DAB2IP: variants seen among roughly 807,000 people sequenced by gnomAD.
DAB2IP encodes the protein DAB2 interacting protein.
In DAB2IP, 28 loss-of-function variants were observed where a neutral mutation model predicts 107.2. The observed-to-expected ratio is 0.26, with a 90% CI of 0.19 to 0.36. DAB2IP has a LOEUF of 0.36. Ranked by LOEUF, DAB2IP falls within the 10% of genes least tolerant of loss-of-function variation. DAB2IP has a pLI of 1.00. For missense variants in DAB2IP, 1,400 were observed against 1,644.7 expected (o/e 0.85, Z 2.57); for synonymous variants, 755 against 706.4 (o/e 1.07, Z -1.09).
chr9:121,726,494 C>A (rs749971850), intron 3 of DAB2IP, among the ~76,000 whole-genome samples: 1 of 152,170 alleles, frequency 6.6e-6, no homozygotes, highest in Admixed American at 6.5e-5. Flanking sequence ...GATAGCCAGT[C>A]GGTGGGAAGC....
At position 121,773,505 on chromosome 9, in the gene DAB2IP, G is replaced by A; in HGVS notation, c.2967+10G>A. 6.7e-7 allele frequency: 1 copy of A among 1,485,516 alleles called. No individual in the cohort carries two copies. Among genetic ancestry groups the A allele is most frequent in the Non-Finnish European group, 8.9e-7 (1 of 1,118,234 alleles). The allele number at this position is 1,485,516 out of a possible 1,614,324, so 92.0% of individuals were successfully genotyped here. ...GGCAGTGCACAAGCAGGTCAGTGCT[G>A]CTAGTCAGAGGGCAGGGCTGGGCAC... On this transcript the variant is annotated intron_variant, in intron 12 of 15. Transcript: ENST00000408936.
intron 1 of DAB2IP, among the ~76,000 whole-genome samples, chr9:121,673,647 G>A (rs868197585): frequency 3.9e-5 from 6 of 152,170 alleles, no homozygotes; most frequent in African/African-American, 9.7e-5. Context: ...AAGGGAGAGC[G>A]ACAATGAAAA....
At chr9:121,750,144 A>G (rs1436064823) in intron 3 of DAB2IP, among the ~76,000 whole-genome samples, 1 of 152,154 alleles carries the variant, frequency 6.6e-6, no homozygotes, top group African/African-American at 2.4e-5. Context: ...CGTTATCCTC[A>G]CTACGGATGG....
At chr9:121,711,128 A>G (rs1030309595) in intron 3 of DAB2IP, among the ~76,000 whole-genome samples, 20 of 152,212 alleles carry the variant, frequency 1.3e-4, no homozygotes, top group African/African-American at 4.8e-4. Flanking sequence ...TGCACTTGAA[A>G]GGCCTTGTTG....
chr9:121,750,264 C>T (rs565913605), intron 3 of DAB2IP, among the ~76,000 whole-genome samples: 1 of 152,334 alleles, frequency 6.6e-6, no homozygotes, highest in East Asian at 1.9e-4. Flanking sequence ...ACACTAGGCC[C>T]TCTGTCCTCC....
intron 3 of DAB2IP, among the ~76,000 whole-genome samples, chr9:121,754,941 C>T (rs1190067202): frequency 6.6e-6 from 1 of 152,222 alleles, no homozygotes; most frequent in Non-Finnish European, 1.5e-5. Context: ...AGCATCCTTA[C>T]CTGGCAGAGA....
At chr9:121,753,104 C>T (rs987018756) in intron 3 of DAB2IP, 1 of 152,278 alleles carries the variant, frequency 6.6e-6, no homozygotes, top group African/African-American at 2.4e-5. Context: ...AAGGTAAGCC[C>T]GGCCTGGGGA....
chr9:121,754,902 G>C (rs1284129060), intron 3 of DAB2IP, among the ~76,000 whole-genome samples: 1 of 152,170 alleles, frequency 6.6e-6, no homozygotes, highest in African/African-American at 2.4e-5. Flanking sequence ...TGTACTTCCT[G>C]GGTCCCTACC....
Position 121,772,865 on chromosome 9 carries a change from T to C in DAB2IP, c.2337T>C (p.Ala779=). The C allele has an allele frequency of 6.3e-7, 1 of 1,590,752 alleles. No individual in the cohort carries two copies. Among genetic ancestry groups the C allele is most frequent in the Non-Finnish European group, 8.5e-7 (1 of 1,170,620 alleles). ...CCACAGATGGGCAGGCCGCTGCAGC[T>C]CAGCTGGTGGCCGGGTGGCCGGCCC... Residue 779 remains alanine, a synonymous_variant, in exon 12 of 16, where the codon GCT becomes GCC. Coordinates refer to ENST00000408936, the Ensembl canonical transcript of DAB2IP. This position sits in a 1 kb window ranked among gnomAD's most constrained non-coding sequence, Gnocchi z 4.7.
intron 3 of DAB2IP, among the ~76,000 whole-genome samples, chr9:121,718,993 G>A (rs183656748): frequency 2.6e-5 from 4 of 152,330 alleles, no homozygotes; most frequent in Admixed American, 6.5e-5. Context: ...CTGGTAGCAA[G>A]GGGGTGCTTC....
intron 1 of DAB2IP, among the ~76,000 whole-genome samples, chr9:121,658,133 A>G (rs1236035891): frequency 6.6e-6 from 1 of 152,080 alleles, no homozygotes. Context: ...GTACTGTTGA[A>G]CTTGACACAA....
At position 121,585,221 on chromosome 9, in the gene DAB2IP, C is replaced by A. The variant is rs111458033; in HGVS notation, c.40+17993C>A. On this transcript the variant is annotated intron_variant, in intron 1 of 16. Coordinates refer to the DAB2IP transcript ENST00000259371. The stretch of plus-strand genomic sequence containing the variant: ...CAACAACACCTCTGTCCCAGAATGG[C>A]GAGGGGTCAATGAGAGCACAGAGTC... 7.5e-3 allele frequency among the ~76,000 whole-genome samples: 1,142 copies of A among 152,224 alleles called. 14 individuals carry two copies. The highest frequency in any genetic ancestry group is 0.026 in the African/African-American group (1,065 of 41,518).
chr9:121,689,198 G>T (rs1829037450), intron 2 of DAB2IP, among the ~76,000 whole-genome samples: 1 of 152,028 alleles, frequency 6.6e-6, no homozygotes, highest in African/African-American at 2.4e-5. Flanking sequence ...GGAGGCTGAG[G>T]CAGGAGAATA....
exon 16 of DAB2IP, chr9:121,784,640 C>G (rs1835879318): frequency 6.5e-6 from 1 of 154,904 alleles, no homozygotes; most frequent in Non-Finnish European, 1.5e-5. Context: ...GTAACTATCT[C>G]ACCTAATGGT....
chr9:121,670,114 G>A (rs4297095), intron 1 of DAB2IP, among the ~76,000 whole-genome samples: 10,428 of 152,052 alleles, frequency 0.069, 487 homozygotes, highest in Non-Finnish European at 0.11. Flanking sequence ...CCACTAATCC[G>A]TTTTCCATCT....
intron 13 of DAB2IP, among the ~76,000 whole-genome samples, chr9:121,775,611 T>C (rs1835145000): frequency 6.6e-6 from 1 of 152,212 alleles, no homozygotes; most frequent in Non-Finnish European, 1.5e-5. Flanking sequence ...TGCTCCTCCC[T>C]GATGGTTGGG....
At chr9:121,737,631 G>C (rs890612141) in intron 3 of DAB2IP, 2 of 985,276 alleles carry the variant, frequency 2.0e-6, no homozygotes, top group African/African-American at 1.7e-5. Context: ...GGCCATCTTC[G>C]GAAGCCAGAT....
intron 3 of DAB2IP, among the ~76,000 whole-genome samples, chr9:121,741,296 A>G (rs953047556): frequency 6.6e-6 from 1 of 151,776 alleles, no homozygotes; most frequent in African/African-American, 2.4e-5. Flanking sequence ...GCTGATGCAG[A>G]ACTCCCCATA....
At chr9:121,758,363 A>T (rs748900053) in intron 4 of DAB2IP, among the ~76,000 whole-genome samples, 1 of 152,206 alleles carries the variant, frequency 6.6e-6, no homozygotes. Flanking sequence ...TCATTTCTCC[A>T]GTCTGGCATA....
Sources: allele counts gnomAD v4.1 joint callset (sites outside exome capture counted in the v4.1 genomes callset), GRCh38; gene constraint gnomAD v4.1.1; non-coding constraint Gnocchi (gnomAD v3.1); transcripts MANE v1.5; gene names NCBI Gene and HGNC (gene_info 2026-07-23, HGNC 2026-07-21).